HIKESHI: variants seen among roughly 807,000 people sequenced by gnomAD.
The protein encoded by HIKESHI is heat shock protein nuclear import factor hikeshi.
A neutral mutation model predicts 25.7 loss-of-function variants in HIKESHI; 13 were observed. The observed-to-expected ratio is 0.51, with a 90% CI of 0.33 to 0.80. The LOEUF is 0.80. Ranked by LOEUF, HIKESHI falls within the 30% of genes least tolerant of loss-of-function variation. The probability of loss-of-function intolerance (pLI) is 0.02; values close to 1 mark genes in which losing one functional copy is unlikely to be tolerated. For synonymous variants in HIKESHI, 76 were observed against 78.7 expected, an observed-to-expected ratio of 0.97 and a Z score of 0.18; for missense variants, 174 against 229.5, an observed-to-expected ratio of 0.76 and a Z score of 1.56.
intron 2 of HIKESHI, among the ~76,000 whole-genome samples, chr11:86,312,488 C>G (rs1565723881): frequency 6.6e-6 from 1 of 152,074 alleles, no homozygotes; most frequent in Non-Finnish European, 1.5e-5. Context: ...ATACAGCACA[C>G]CGATGGGTCT....
intron 2 of HIKESHI, among the ~76,000 whole-genome samples, chr11:86,317,531 G>A (rs185072941): frequency 1.1e-4 from 17 of 152,342 alleles, no homozygotes; most frequent in Non-Finnish European, 2.4e-4. Flanking sequence ...AGGGCTGGGT[G>A]TGGTGGCTCA....
intron 2 of HIKESHI, among the ~76,000 whole-genome samples, chr11:86,309,964 TGTAGCCTTGTAGTACAGTTTGAAGTCAG>T (rs1336601958): frequency 1.1e-4 from 17 of 151,672 alleles, no homozygotes; most frequent in African/African-American, 4.1e-4. Context: ...TTTTGGTTAC[TGTAGCCTTGTAGTACAGTTTGAAGTCAG>T]GTAGCGTGAT....
rs1947812839 is a variant in HIKESHI at position 86,344,316 on chromosome 11, A to T, written c.421-287A>T. Reference sequence around the variant, plus strand: ...CATTGTATGTATGATTACTCTTAACATTCTTTTTTATTCATTTATTTAATT... The same window carrying T: ...CATTGTATGTATGATTACTCTTAACTTTCTTTTTTATTCATTTATTTAATT... On this transcript the variant is annotated intron_variant, in intron 3 of 4. Transcript: ENST00000278483. 1.1e-5 allele frequency: 3 copies of T among 271,078 alleles called. 1 individual carries two copies. Among genetic ancestry groups the T allele is most frequent in the Non-Finnish European group, 2.0e-5 (3 of 147,462 alleles). 16.8% of individuals were successfully genotyped at this position (271,078 alleles called of 1,614,324 possible). A position where few individuals can be genotyped will look rare whatever the true frequency, so the allele number is the denominator to read the frequency against.
At chr11:86,325,188 GA>G (rs1213838884) in intron 2 of HIKESHI, among the ~76,000 whole-genome samples, 3 of 147,048 alleles carry the variant, frequency 2.0e-5, no homozygotes, top group South Asian at 2.2e-4. Flanking sequence ...AAAAAAAAAG[GA>G]AAAAAAAAAG....
intron 4 of HIKESHI, chr11:86,344,924 A>G (rs1947833812): frequency 1.9e-6 from 1 of 536,878 alleles, no homozygotes; most frequent in African/African-American, 1.9e-5. Context: ...CGCCATTATG[A>G]ATTTATAAAG....
intron 2 of HIKESHI, among the ~76,000 whole-genome samples, chr11:86,331,685 A>G (rs372427169): frequency 1.3e-5 from 2 of 152,140 alleles, no homozygotes; most frequent in East Asian, 3.9e-4. Context: ...CAGACATACT[A>G]TGGTATCAGA....
At position 86,328,930 on chromosome 11, in the gene HIKESHI, G is replaced by GCA. The variant is rs1302797308; in HGVS notation, c.269-8448_269-8447insAC. On this transcript the variant is annotated intron_variant, in intron 2 of 4. Transcript: ENST00000278483. Reference sequence around the variant, plus strand: ...TTTGTGTGTGTGTGTGTGTGTGTGCGCGCACACACACACACACGCTCCTCA... The same window carrying GCA: ...TTTGTGTGTGTGTGTGTGTGTGTGCGCACGCACACACACACACACGCTCCTCA... 1.9e-4 allele frequency among the ~76,000 whole-genome samples: 21 copies of GCA among 107,788 alleles called. 1 individual carries two copies. The highest frequency in any genetic ancestry group is 6.6e-4 in the African/African-American group (20 of 30,098). The allele number at this position is 107,788 out of a possible 152,430, so 70.7% of individuals were successfully genotyped here. A position where few individuals can be genotyped will look rare whatever the true frequency, so the allele number is the denominator to read the frequency against.
At chr11:86,335,491 G>A (rs1157677095) in intron 2 of HIKESHI, among the ~76,000 whole-genome samples, 2 of 152,112 alleles carry the variant, frequency 1.3e-5, no homozygotes, top group East Asian at 3.8e-4. Flanking sequence ...AAAGACCCGC[G>A]AAGACCCAGA....
chr11:86,316,138 A>G (rs981205880), intron 2 of HIKESHI, among the ~76,000 whole-genome samples: 1 of 125,198 alleles, frequency 8.0e-6, no homozygotes, highest in Non-Finnish European at 1.7e-5. Context: ...AAAAAAAAAA[A>G]GTGCACCTTC....
chr11:86,329,104 CAG>C (rs1366641080), intron 2 of HIKESHI, among the ~76,000 whole-genome samples: 1 of 151,052 alleles, frequency 6.6e-6, no homozygotes, highest in Non-Finnish European at 1.5e-5. Flanking sequence ...AAGTGATAAA[CAG>C]ATACATTCTT....
chr11:86,329,110 C>T (rs114969381), intron 2 of HIKESHI, among the ~76,000 whole-genome samples: 229 of 151,332 alleles, frequency 1.5e-3, no homozygotes, highest in African/African-American at 5.3e-3. Context: ...TAAACAGATA[C>T]ATTCTTATGT....
chr11:86,307,926 A>T (rs369453000), intron 2 of HIKESHI, among the ~76,000 whole-genome samples: 18 of 24,658 alleles, frequency 7.3e-4, no homozygotes, highest in East Asian at 2.7e-3. Context: ...GTAATATATA[A>T]TATATAAAAT....
At chr11:86,305,830 A>T (rs291246) in intron 1 of HIKESHI, among the ~76,000 whole-genome samples, 94,225 of 151,638 alleles carry the variant, frequency 0.62, 29,396 homozygotes, top group East Asian at 0.79. Flanking sequence ...AACATCCACC[A>T]CCTGGGTTCA....
At chr11:86,316,369 G>A (rs754576464) in intron 2 of HIKESHI, among the ~76,000 whole-genome samples, 2 of 151,906 alleles carry the variant, frequency 1.3e-5, no homozygotes, top group African/African-American at 2.4e-5. Context: ...AAAATTAGCC[G>A]GGTGTGGTGG....
intron 2 of HIKESHI, among the ~76,000 whole-genome samples, chr11:86,308,900 C>G (rs1396657883): frequency 6.6e-6 from 1 of 152,112 alleles, no homozygotes; most frequent in Non-Finnish European, 1.5e-5. Context: ...GACATGAACT[C>G]ATCCTTTTTT....
chr11:86,341,107 TGTTA>T (rs1947713337), intron 3 of HIKESHI, among the ~76,000 whole-genome samples: 1 of 152,230 alleles, frequency 6.6e-6, no homozygotes, highest in Non-Finnish European at 1.5e-5. Context: ...GCTTAAAATC[TGTTA>T]GTTTTTCTGT....
chr11:86,326,098 G>T (rs1947275670), intron 2 of HIKESHI, among the ~76,000 whole-genome samples: 1 of 152,038 alleles, frequency 6.6e-6, no homozygotes, highest in African/African-American at 2.4e-5. Flanking sequence ...AGGAGTTCAA[G>T]ACCAGCCTGG....
chr11:86,311,251 C>G (rs2138311238), intron 2 of HIKESHI, among the ~76,000 whole-genome samples: 1 of 152,210 alleles, frequency 6.6e-6, no homozygotes, highest in African/African-American at 2.4e-5. Flanking sequence ...TGTTATTGGT[C>G]TATTCAGGGA....
intron 2 of HIKESHI, among the ~76,000 whole-genome samples, chr11:86,318,300 T>A (rs1947044986): frequency 1.4e-4 from 2 of 13,972 alleles, no homozygotes; most frequent in African/African-American, 1.3e-3. Context: ...CAAGACTCCG[T>A]CTCAAAAAAA....
Sources: allele counts gnomAD v4.1 joint callset (sites outside exome capture counted in the v4.1 genomes callset), GRCh38; gene constraint gnomAD v4.1.1; transcripts MANE v1.5; gene names NCBI Gene and HGNC (gene_info 2026-07-23, HGNC 2026-07-21).